RNF145: variants seen among roughly 807,000 people sequenced by gnomAD.
The protein encoded by RNF145 is ring finger protein 145.
RNF145 carries 12 observed loss-of-function variants against 57.3 expected under a neutral mutation model. The ratio of observed to expected loss-of-function variants is 0.21; its 90% CI spans 0.13 to 0.34. The LOEUF is 0.34. Among genes scored for constraint, RNF145 ranks in the 10% least tolerant of loss-of-function variants. RNF145 has a pLI of 1.00. For synonymous variants in RNF145, 262 were observed against 288.3 expected (o/e 0.91, Z 0.92); for missense variants, 429 against 799.0 (o/e 0.54, Z 5.58).
At chr5:159,184,579 A>G (rs1345534825) in intron 3 of RNF145, among the ~76,000 whole-genome samples, 1 of 152,226 alleles carries the variant, frequency 6.6e-6, no homozygotes, top group Non-Finnish European at 1.5e-5. Flanking sequence ...TTATTGATAC[A>G]TAAAAAGATT....
upstream of RNF145, chr5:159,210,034 A>AAGT (rs1786057872): frequency 2.8e-6 from 2 of 703,420 alleles, no homozygotes; most frequent in South Asian, 3.3e-5. Context: ...CCTGTGGAGT[A>AAGT]AGTGACTGGA....
intron 9 of RNF145, 43 bp from the exon 10 acceptor site, chr5:159,161,665 C>G: frequency 8.7e-7 from 1 of 1,155,108 alleles, no homozygotes; most frequent in East Asian, 2.3e-5. Flanking sequence ...AATATGATCA[C>G]TAAGATACTT....
intron 3 of RNF145, among the ~76,000 whole-genome samples, chr5:159,188,565 G>A (rs556935971): frequency 5.3e-5 from 8 of 152,066 alleles, no homozygotes; most frequent in South Asian, 2.1e-4. Context: ...TTTTCTATAC[G>A]GATTAGCACT....
Position 159,161,563 on chromosome 5 carries a change from T to C in RNF145, c.1329A>G (p.Pro443=), listed in dbSNP as rs987565868. ...AGATGACATCATCCATGTTTTCCAC[T>C]GGCTCTTTTCTGAATTCCTCAACCA... ...LFMVEEFRKE[P]VENMDDVIYY... The change falls in exon 10 of 11, where the codon CCA becomes CCG. Residue 443 remains proline (P), a synonymous_variant. Coordinates refer to ENST00000424310, the MANE Select transcript of RNF145 (RefSeq NM_001199383.2). The C allele has an allele frequency of 1.2e-6, 2 of 1,613,848 alleles. No homozygotes were observed. The highest frequency in any genetic ancestry group is 1.7e-6 in the Non-Finnish European group (2 of 1,179,920).
At chr5:159,163,236 G>C (rs559059266) in intron 8 of RNF145, among the ~76,000 whole-genome samples, 157 bp from the exon 9 acceptor site, 54 of 152,272 alleles carry the variant, frequency 3.5e-4, no homozygotes, top group Non-Finnish European at 6.6e-4. Flanking sequence ...TTCAGACCAA[G>C]TCACACAGGC....
At chr5:159,202,866 C>G (rs1044402711) in intron 2 of RNF145, among the ~76,000 whole-genome samples, 1 of 151,552 alleles carries the variant, frequency 6.6e-6, no homozygotes, top group African/African-American at 2.4e-5. Flanking sequence ...ATTTTTACCA[C>G]TAACCCCATA....
At chr5:159,208,155 G>A (rs1785966086) in intron 1 of RNF145, 5 of 1,412,582 alleles carry the variant, frequency 3.5e-6, no homozygotes, top group Admixed American at 5.9e-5. Context: ...TCTCAGATGC[G>A]TTTGAACTAC....
At chr5:159,176,124 G>C (rs1251332970) in intron 5 of RNF145, among the ~76,000 whole-genome samples, 15 of 152,064 alleles carry the variant, frequency 9.9e-5, no homozygotes, top group Admixed American at 9.8e-4. Flanking sequence ...TAACTTTTCT[G>C]TTTAAATTAG....
intron 1 of RNF145, among the ~76,000 whole-genome samples, chr5:159,206,838 A>G (rs1785903595): frequency 6.6e-6 from 1 of 152,230 alleles, no homozygotes; most frequent in Admixed American, 6.5e-5. Flanking sequence ...CAAGATTTTA[A>G]AATGTCCTCC....
intron 5 of RNF145, among the ~76,000 whole-genome samples, chr5:159,175,286 T>C (rs949989913): frequency 3.3e-5 from 5 of 152,068 alleles, no homozygotes; most frequent in African/African-American, 1.2e-4. Flanking sequence ...TTCCTTTCCA[T>C]TCAAGAAACA....
chr5:159,167,913 A>G (rs62378681), intron 8 of RNF145, among the ~76,000 whole-genome samples: 10,199 of 152,300 alleles, frequency 0.067, 367 homozygotes, highest in Middle Eastern at 0.1. Context: ...TTTAGAAATC[A>G]GCTGATACAA....
intron 6 of RNF145, among the ~76,000 whole-genome samples, chr5:159,170,484 A>G (rs115769868): frequency 0.015 from 2,319 of 152,320 alleles, 25 homozygotes; most frequent in Non-Finnish European, 0.026. Flanking sequence ...TTACACTAGA[A>G]CTTGGAAATA....
chr5:159,203,678 A>G (rs1393057248), intron 1 of RNF145, 22 bp from the exon 2 acceptor site: 1 of 1,502,526 alleles, frequency 6.7e-7, no homozygotes. Flanking sequence ...AAGACACAAT[A>G]TATAAAAATA....
At chr5:159,169,489 C>T (rs1438244468) in intron 7 of RNF145, among the ~76,000 whole-genome samples, 190 bp downstream of exon 7, 3 of 152,074 alleles carry the variant, frequency 2.0e-5, no homozygotes, top group Non-Finnish European at 4.4e-5. Context: ...TTAATACATA[C>T]AATACAAATA....
chr5:159,180,509 A>C (rs892376587), intron 4 of RNF145, among the ~76,000 whole-genome samples: 2 of 152,050 alleles, frequency 1.3e-5, no homozygotes, highest in Non-Finnish European at 2.9e-5. Context: ...GGAAAACCCT[A>C]TAAGGCATTT....
At chr5:159,206,933 T>C (rs1446253062) in intron 1 of RNF145, among the ~76,000 whole-genome samples, 1 of 151,642 alleles carries the variant, frequency 6.6e-6, no homozygotes, top group Non-Finnish European at 1.5e-5. Context: ...CAAAGATGTT[T>C]TACACAGTAA....
At position 159,180,809 on chromosome 5, in the gene RNF145, C is replaced by T. The variant is rs887407905; in HGVS notation, c.385+1151G>A. The stretch of plus-strand genomic sequence containing the variant: ...GTATGTGCTTTACACATACAGCACA[C>T]CTTAATCTCAATTCACCACACTGCA... On this transcript the variant is annotated intron_variant, in intron 4 of 10. Transcript: ENST00000424310. Among the ~76,000 whole-genome samples, 3 of 152,160 alleles carry T rather than the reference C, an allele frequency of 2.0e-5. No individual in the cohort carries two copies. In the East Asian group the frequency reaches 5.8e-4, roughly 29 times the overall value.
At chr5:159,174,729 A>G (rs1362660892) in intron 5 of RNF145, among the ~76,000 whole-genome samples, 1 of 151,922 alleles carries the variant, frequency 6.6e-6, no homozygotes, top group Admixed American at 6.6e-5. Context: ...TTATCAAGCT[A>G]TGTTTTTCCA....
chr5:159,166,798 G>C (rs1032490845), intron 8 of RNF145, among the ~76,000 whole-genome samples: 2 of 152,104 alleles, frequency 1.3e-5, no homozygotes, highest in East Asian at 1.9e-4. Flanking sequence ...AGTGGACTTG[G>C]GGGGTATTCC....
Sources: gnomAD v4.1 joint callset for allele counts (sites outside exome capture counted in the v4.1 genomes callset) on GRCh38, gnomAD v4.1.1 for gene constraint, MANE v1.5 for transcripts, NCBI Gene and HGNC (gene_info 2026-07-23, HGNC 2026-07-21) for gene names.